ANKRD17: variants seen among roughly 807,000 people sequenced by gnomAD.
ANKRD17 encodes ankyrin repeat domain-containing protein 17.
Under a neutral mutation model 229.7 loss-of-function variants are expected in ANKRD17, and 19 were observed. That is an observed-to-expected ratio of 0.08 (90% confidence interval 0.06 to 0.12). The LOEUF (loss-of-function observed/expected upper bound fraction) is 0.12. Among genes scored for constraint, ANKRD17 ranks in the 10% least tolerant of loss-of-function variants. The pLI is 1.00. For missense variants in ANKRD17, 2,176 were observed against 3,176.8 expected (o/e 0.68, Z 7.57); for synonymous variants, 1,112 against 1,146.1 (o/e 0.97, Z 0.60).
chr4:73,122,027 C>G (rs145821758), intron 18 of ANKRD17, among the ~76,000 whole-genome samples: 183 of 152,126 alleles, frequency 1.2e-3, no homozygotes, highest in African/African-American at 4.2e-3. Context: ...TTGTGACATG[C>G]TTTGGAAATT....
At chr4:73,173,776 G>A (rs1378376907) in intron 2 of ANKRD17, among the ~76,000 whole-genome samples, 2 of 152,114 alleles carry the variant, frequency 1.3e-5, no homozygotes, top group Non-Finnish European at 2.9e-5. Flanking sequence ...AAAGGTAGAA[G>A]CAGCAGTGGG....
intron 16 of ANKRD17, among the ~76,000 whole-genome samples, chr4:73,126,958 G>T (rs1209638003): frequency 6.6e-6 from 1 of 152,180 alleles, no homozygotes; most frequent in African/African-American, 2.4e-5. Flanking sequence ...TATGGTTAGT[G>T]TAACAGAGGA....
chr4:73,234,660 C>T (rs144112746), intron 1 of ANKRD17, among the ~76,000 whole-genome samples: 125 of 152,340 alleles, frequency 8.2e-4, no homozygotes, highest in Non-Finnish European at 1.3e-3. Flanking sequence ...TGGCTGGGAA[C>T]AGACAAAACT....
chr4:73,074,387 G>A lies in ANKRD17; in HGVS notation c.*1844C>T, dbSNP rs187605070. 5.3e-5 allele frequency: 8 copies of A among 151,880 alleles called. No individual in the cohort carries two copies. Among genetic ancestry groups the A allele is most frequent in the African/African-American group, 7.2e-5 (3 of 41,482 alleles). The allele number at this position is 151,880 out of a possible 1,614,324, so 9.4% of individuals were successfully genotyped here. Reference sequence around the variant, plus strand: ...TGGCAAGTCATATATAAAATACTTCGTTAAATAACATTATTACATCCCTTT... The same window carrying A: ...TGGCAAGTCATATATAAAATACTTCATTAAATAACATTATTACATCCCTTT... On this transcript the variant is annotated 3_prime_UTR_variant, in exon 34 of 34. Coordinates refer to ENST00000358602, the MANE Select transcript of ANKRD17 (RefSeq NM_032217.5).
intron 18 of ANKRD17, among the ~76,000 whole-genome samples, chr4:73,122,728 C>T (rs1726913031): frequency 1.3e-5 from 2 of 151,936 alleles, no homozygotes; most frequent in Non-Finnish European, 2.9e-5. Flanking sequence ...AAGCTATGTC[C>T]AATTTTAGAT....
chr4:73,079,778 T>C (rs536089276), intron 30 of ANKRD17, among the ~76,000 whole-genome samples: 1 of 152,254 alleles, frequency 6.6e-6, no homozygotes, highest in South Asian at 2.1e-4. Context: ...CTATACATTA[T>C]TGAGAAAAAA....
intron 28 of ANKRD17, among the ~76,000 whole-genome samples, chr4:73,093,276 A>G (rs1176936604): frequency 6.6e-6 from 1 of 152,128 alleles, no homozygotes; most frequent in African/African-American, 2.4e-5. Context: ...ATTTCTTAGA[A>G]CATCACTTTT....
chr4:73,114,819 T>C (rs1199535138), intron 23 of ANKRD17, among the ~76,000 whole-genome samples: 1 of 152,176 alleles, frequency 6.6e-6, no homozygotes. Flanking sequence ...TAATAGCAAC[T>C]GTGTAAACGT....
intron 4 of ANKRD17, 28 bp from the exon 5 acceptor site, chr4:73,155,806 A>G (rs1731586164): frequency 2.5e-6 from 4 of 1,606,780 alleles, no homozygotes; most frequent in Non-Finnish European, 3.4e-6. Flanking sequence ...GTTTAAAAAG[A>G]TATTAGGAAA....
rs1257465667 is a variant in ANKRD17 at position 73,075,618 on chromosome 4, A to G, written c.*613T>C. 1 of 152,616 alleles carries G rather than the reference A, an allele frequency of 6.6e-6. No homozygotes were observed. The highest frequency in any genetic ancestry group is 1.9e-4 in the East Asian group (1 of 5,196). The allele number at this position is 152,616 out of a possible 1,614,324, so 9.5% of individuals were successfully genotyped here. On this transcript the variant is annotated 3_prime_UTR_variant, in exon 34 of 34. Transcript: ENST00000358602. ...AGCAAGATGGGTATTTTAAAAGCCA[A>G]TGTGGGGAAACATCCAATGATAATG...
At chr4:73,131,793 C>A (rs1263102591) in intron 16 of ANKRD17, among the ~76,000 whole-genome samples, 2 of 152,106 alleles carry the variant, frequency 1.3e-5, no homozygotes, top group Non-Finnish European at 2.9e-5. Context: ...GGGACTGTTA[C>A]AAAGATTAAG....
chr4:73,154,487 T>A (rs972723894), intron 5 of ANKRD17, among the ~76,000 whole-genome samples: 3 of 152,182 alleles, frequency 2.0e-5, no homozygotes, highest in South Asian at 2.1e-4. Context: ...AGCTTTTTTT[T>A]AATTTTAATG....
intron 30 of ANKRD17, among the ~76,000 whole-genome samples, chr4:73,084,617 T>G (rs1721927942): frequency 6.6e-6 from 1 of 151,964 alleles, no homozygotes; most frequent in Non-Finnish European, 1.5e-5. Context: ...CCTGGCTAAT[T>G]TTTGTATTTT....
At chr4:73,208,642 A>G (rs889289318) in intron 1 of ANKRD17, among the ~76,000 whole-genome samples, 2 of 152,230 alleles carry the variant, frequency 1.3e-5, no homozygotes, top group Non-Finnish European at 2.9e-5. Context: ...TCAATCCTCC[A>G]AGGAAACCCC....
At chr4:73,233,440 G>C (rs1404268687) in intron 1 of ANKRD17, among the ~76,000 whole-genome samples, 2 of 152,160 alleles carry the variant, frequency 1.3e-5, no homozygotes, top group East Asian at 1.9e-4. Context: ...CTTACAATGT[G>C]ATTATATAAA....
intron 21 of ANKRD17, 30 bp from the exon 22 acceptor site, chr4:73,118,880 CTTTTT>C (rs751549226): frequency 4.0e-3 from 3,174 of 800,030 alleles, no homozygotes; most frequent in Middle Eastern, 9.8e-3. Flanking sequence ...ATAGCATTGT[CTTTTT>C]TTTTTTTTTT....
intron 24 of ANKRD17, among the ~76,000 whole-genome samples, chr4:73,106,104 T>G (rs1181732455): frequency 6.6e-6 from 1 of 152,100 alleles, no homozygotes; most frequent in Admixed American, 6.6e-5. Flanking sequence ...TTTGTTAGTG[T>G]GTGTGGGGGA....
Position 73,076,208 on chromosome 4 carries a change from G to T in ANKRD17, c.*23C>A. 6.3e-7 allele frequency: 1 copy of T among 1,587,272 alleles called. No homozygotes were observed. Among genetic ancestry groups the T allele is most frequent in the African/African-American group, 1.4e-5 (1 of 73,142 alleles). On this transcript the variant is annotated 3_prime_UTR_variant, in exon 34 of 34. Transcript: ENST00000358602. Reference sequence around the variant, plus strand: ...ATTTCCTCCAAATGAAAAGGAATCTGCAGGCTAACAAGCTGATCCTCATCA... The same window carrying T: ...ATTTCCTCCAAATGAAAAGGAATCTTCAGGCTAACAAGCTGATCCTCATCA...
rs368242587 is a variant in ANKRD17, at chr4:73,142,254, G to A, written c.2217C>T (p.His739=). Reference sequence around the variant, plus strand: ...TTTAAAATCTTACCCTATTTAAATCGTGGGATGGGGGAGTTAACTGAGTGA... The same window carrying A: ...TTTAAAATCTTACCCTATTTAAATCATGGGATGGGGGAGTTAACTGAGTGA... ...PDVTQLTPPS[H]DLNRAPRVPV... The change falls in exon 13 of 34, where the codon CAC becomes CAT. Residue 739 remains histidine, a synonymous_variant. Transcript: ENST00000358602. 10 of 1,545,492 alleles carry A rather than the reference G, an allele frequency of 6.5e-6. No individual in the cohort carries two copies. The highest frequency in any genetic ancestry group is 5.7e-5 in the African/African-American group (4 of 70,262).
Sources: allele counts gnomAD v4.1 joint callset (sites outside exome capture counted in the v4.1 genomes callset), GRCh38; gene constraint gnomAD v4.1.1; transcripts MANE v1.5; gene names NCBI Gene and HGNC (gene_info 2026-07-23, HGNC 2026-07-21).